ZNF569: variants seen among roughly 807,000 people sequenced by gnomAD.
ZNF569 encodes DNA-binding protein.
In ZNF569, 38 loss-of-function variants were observed where a neutral mutation model predicts 56.3. The observed-to-expected ratio is 0.68, with a 90% confidence interval of 0.52 to 0.88. The LOEUF is 0.88. Ranked by LOEUF, ZNF569 falls within the 40% of genes least tolerant of loss-of-function variation. ZNF569 has a pLI of 0.00. For missense variants in ZNF569, 666 were observed against 809.2 expected, an observed-to-expected ratio of 0.82 and a Z score of 2.15; for synonymous variants, 241 against 262.9, an observed-to-expected ratio of 0.92 and a Z score of 0.81.
intron 5 of ZNF569, among the ~76,000 whole-genome samples, chr19:37,423,463 A>C (rs1600298455): frequency 6.6e-6 from 1 of 152,322 alleles, no homozygotes; most frequent in East Asian, 1.9e-4. Flanking sequence ...ATTCATAGCA[A>C]ACATAAGAGG....
intron 2 of ZNF569, among the ~76,000 whole-genome samples, chr19:37,464,121 A>C: frequency 6.6e-6 from 1 of 152,070 alleles, no homozygotes; most frequent in East Asian, 1.9e-4. Flanking sequence ...TAACGTCCTA[A>C]CCCTTCATAT....
Position 37,413,474 on chromosome 19 carries a change from G to A in ZNF569, c.1184C>T (p.Ser395Leu). The A allele has an allele frequency of 1.9e-6, 3 of 1,613,882 alleles. No individual in the cohort carries two copies. Among genetic ancestry groups the A allele is most frequent in the Non-Finnish European group, 2.5e-6 (3 of 1,179,912 alleles). ...ACTTCTCATATGTACAGTAAGGGCTGAGCTTTGAGAGAAGGCTTTTCCACA... is the reference window on the plus strand; with the variant it reads ...ACTTCTCATATGTACAGTAAGGGCTAAGCTTTGAGAGAAGGCTTTTCCACA... ...NECGKAFSQS[S>L]ALTVHMRSHT... The change falls in exon 6 of 6, where the codon TCA (serine) becomes TTA (leucine). Residue 395 changes from serine to leucine, a missense_variant. Transcript: ENST00000316950.
chr19:37,438,781 A>G (rs1238250534), intron 3 of ZNF569, among the ~76,000 whole-genome samples: 1 of 152,236 alleles, frequency 6.6e-6, no homozygotes, highest in Non-Finnish European at 1.5e-5. Flanking sequence ...GCTTCTGTAC[A>G]GCAAGGGAAA....
chr19:37,449,244 C>A (rs575532846), intron 2 of ZNF569, among the ~76,000 whole-genome samples: 2 of 152,234 alleles, frequency 1.3e-5, no homozygotes, highest in East Asian at 3.9e-4. Context: ...CAAATATGAT[C>A]TATGTAGGTG....
intron 5 of ZNF569, among the ~76,000 whole-genome samples, chr19:37,419,969 CTTT>C (rs60568702): frequency 0.2 from 20,007 of 100,176 alleles, 1,106 homozygotes; most frequent in South Asian, 0.3. Flanking sequence ...TCTTTTCTTT[CTTT>C]TTTTTTTTTT....
At chr19:37,416,739 A>G (rs2040940820) in intron 5 of ZNF569, among the ~76,000 whole-genome samples, 1 of 152,190 alleles carries the variant, frequency 6.6e-6, no homozygotes, top group Admixed American at 6.5e-5. Context: ...GAAAGGGCTG[A>G]CTATATTTAG....
At chr19:37,438,249 T>A (rs565514361) in intron 3 of ZNF569, among the ~76,000 whole-genome samples, 7 of 151,964 alleles carry the variant, frequency 4.6e-5, no homozygotes, top group African/African-American at 1.7e-4. Context: ...AATAAAAAAT[T>A]AGGCATGGTG....
chr19:37,425,116 C>T (rs1045446023), intron 5 of ZNF569, among the ~76,000 whole-genome samples: 3 of 151,498 alleles, frequency 2.0e-5, no homozygotes, highest in African/African-American at 7.3e-5. Context: ...CTCTGTCACA[C>T]ACATACACAC....
upstream of ZNF569, chr19:37,467,745 T>C (rs887447376): frequency 1.2e-5 from 9 of 754,248 alleles, no homozygotes; most frequent in African/African-American, 1.6e-4. Context: ...ACTTCGGCCA[T>C]GGAATTTGGA....
At chr19:37,431,367 T>A (rs1168112304) in intron 3 of ZNF569, among the ~76,000 whole-genome samples, 5 of 152,148 alleles carry the variant, frequency 3.3e-5, no homozygotes, top group African/African-American at 7.2e-5. Context: ...TCAGCCACAG[T>A]ATGATAGGGC....
At chr19:37,454,792 T>G in intron 2 of ZNF569, 1 of 699,964 alleles carries the variant, frequency 1.4e-6, no homozygotes, top group Non-Finnish European at 2.6e-6. Flanking sequence ...ACATTCACAC[T>G]TTAAAAATTT....
intron 2 of ZNF569, among the ~76,000 whole-genome samples, chr19:37,460,501 A>G (rs1316940366): frequency 3.3e-5 from 5 of 152,082 alleles, no homozygotes; most frequent in Admixed American, 2.6e-4. Flanking sequence ...TGGTCCAAAC[A>G]CAGCAATTAG....
At chr19:37,425,792 G>C (rs1488424481) in intron 5 of ZNF569, 76 bp downstream of exon 5, 2 of 1,171,426 alleles carry the variant, frequency 1.7e-6, no homozygotes, top group African/African-American at 3.0e-5. Context: ...GAATATTTTA[G>C]AGGGATCAAC....
At chr19:37,460,694 GCAGTGTGCCATGA>G in intron 2 of ZNF569, among the ~76,000 whole-genome samples, 1 of 151,978 alleles carries the variant, frequency 6.6e-6, no homozygotes, top group African/African-American at 2.4e-5. Flanking sequence ...GTTCAAAGCT[GCAGTGTGCCATGA>G]CTGCATCTGT....
At chr19:37,467,478 C>G (rs923628722), upstream of ZNF569, 3 of 196,360 alleles carry the variant, frequency 1.5e-5, no homozygotes, top group Non-Finnish European at 2.9e-5. Context: ...CTTCGCGGCC[C>G]TACTTCCCCG....
At chr19:37,452,688 G>A (rs1162295185) in intron 2 of ZNF569, among the ~76,000 whole-genome samples, 1 of 151,858 alleles carries the variant, frequency 6.6e-6, no homozygotes, top group African/African-American at 2.4e-5. Flanking sequence ...TCCCTTAATA[G>A]TCCTATAGAT....
intron 5 of ZNF569, among the ~76,000 whole-genome samples, chr19:37,421,236 A>G (rs914559951): frequency 2.0e-5 from 3 of 152,128 alleles, no homozygotes; most frequent in Non-Finnish European, 4.4e-5. Flanking sequence ...GCTCCAACTT[A>G]AAGTCACCAC....
intron 2 of ZNF569, among the ~76,000 whole-genome samples, chr19:37,449,581 T>C (rs372458578): frequency 6.6e-6 from 1 of 152,200 alleles, no homozygotes; most frequent in South Asian, 2.1e-4. Flanking sequence ...CCCTTGAGCA[T>C]TATGTTTCTT....
chr19:37,452,450 T>C (rs2041610181), intron 2 of ZNF569, among the ~76,000 whole-genome samples: 1 of 152,208 alleles, frequency 6.6e-6, no homozygotes, highest in South Asian at 2.1e-4. Flanking sequence ...CATTTCTATT[T>C]GAAAACTCCC....
Sources: gnomAD v4.1 joint callset for allele counts (sites outside exome capture counted in the v4.1 genomes callset) on GRCh38, gnomAD v4.1.1 for gene constraint, MANE v1.5 for transcripts, NCBI Gene and HGNC (gene_info 2026-07-23, HGNC 2026-07-21) for gene names.